Variants in GPC6 observed in about 807,000 individuals in gnomAD.
GPC6 encodes the protein glypican 6.
A neutral mutation model predicts 55.2 loss-of-function variants in GPC6; 14 were observed. The ratio of observed to expected loss-of-function variants is 0.25; its 90% CI spans 0.17 to 0.40. The LOEUF (loss-of-function observed/expected upper bound fraction) is 0.40. Ranked by LOEUF, GPC6 falls within the 10% of genes least tolerant of loss-of-function variation. The pLI is 1.00. For synonymous variants in GPC6, 278 were observed against 259.6 expected (o/e 1.07, Z -0.68); for missense variants, 641 against 708.5 (o/e 0.90, Z 1.08).
At chr13:93,797,792 C>G (rs201522763) in intron 2 of GPC6, among the ~76,000 whole-genome samples, 1 of 152,164 alleles carries the variant, frequency 6.6e-6, no homozygotes, top group East Asian at 1.9e-4. Context: ...AAACTGAGAT[C>G]AGTCCACAAG....
rs185311557 is a variant in GPC6, at chr13:93,486,968, C to A, written c.161-58295C>A. Reference sequence around the variant, plus strand: ...CAAAAAAAAAAAAAACAAAAAAACCCCAAAAAACACAAAAAAACAAAAAAA... The same window carrying A: ...CAAAAAAAAAAAAAACAAAAAAACCACAAAAAACACAAAAAAACAAAAAAA... On this transcript the variant is annotated intron_variant, in intron 1 of 8. Transcript: ENST00000377047. Among the ~76,000 whole-genome samples the A allele has an allele frequency of 1.8e-3, 278 of 151,474 alleles. 1 individual carries two copies. Among genetic ancestry groups the A allele is most frequent in the African/African-American group, 6.6e-3 (272 of 41,352 alleles).
intron 2 of GPC6, among the ~76,000 whole-genome samples, chr13:93,719,313 T>C (rs1424930349): frequency 2.6e-5 from 4 of 151,744 alleles, no homozygotes; most frequent in South Asian, 4.1e-4. Context: ...CTTGTCAGTT[T>C]TATTTCTAGG....
At chr13:93,949,226 G>T (rs1253686130) in intron 3 of GPC6, among the ~76,000 whole-genome samples, 1 of 152,154 alleles carries the variant, frequency 6.6e-6, no homozygotes, top group Non-Finnish European at 1.5e-5. Flanking sequence ...AATATTCTGA[G>T]AAATTTTCTT....
chr13:94,337,728 G>A (rs1156389473), intron 6 of GPC6, among the ~76,000 whole-genome samples: 1 of 152,100 alleles, frequency 6.6e-6, no homozygotes, highest in Non-Finnish European at 1.5e-5. Flanking sequence ...GATTACAGGC[G>A]TAATTCATGA....
intron 2 of GPC6, among the ~76,000 whole-genome samples, chr13:93,750,336 T>C (rs1270353938): frequency 1.3e-5 from 2 of 152,298 alleles, no homozygotes; most frequent in African/African-American, 4.8e-5. Context: ...TGGAAGGTAG[T>C]TAACCTTTTT....
rs143529333 is a variant in GPC6 at position 93,338,467 on chromosome 13, AG to A, written c.160+110852del. ...CAGGTATCTCTGACCCATTTCCAGT[AG>A]ACCTTTTGAAATTCCACTGTTTTTC... On this transcript the variant is annotated intron_variant, in intron 1 of 8. Coordinates refer to ENST00000377047, the MANE Select transcript of GPC6 (RefSeq NM_005708.5). Among the ~76,000 whole-genome samples the A allele has an allele frequency of 7.9e-3, 1,202 of 152,286 alleles. 19 individuals are homozygous for A. The highest frequency in any genetic ancestry group is 0.028 in the African/African-American group (1,158 of 41,544).
At chr13:93,749,019 A>G (rs968472117) in intron 2 of GPC6, among the ~76,000 whole-genome samples, 2 of 152,020 alleles carry the variant, frequency 1.3e-5, no homozygotes, top group East Asian at 1.9e-4. Flanking sequence ...TCTTATTGTT[A>G]TATAGTACAT....
At chr13:93,241,992 C>T (rs1577099) in intron 1 of GPC6, among the ~76,000 whole-genome samples, 86,173 of 151,948 alleles carry the variant, frequency 0.57, 25,021 homozygotes, top group African/African-American at 0.67. Flanking sequence ...AGCAATGTAG[C>T]GGGTGTGTGA....
chr13:93,377,484 G>A (rs1199501314), intron 1 of GPC6, among the ~76,000 whole-genome samples: 1 of 152,058 alleles, frequency 6.6e-6, no homozygotes. Flanking sequence ...TTGGTGGGAG[G>A]GTGAGCCTGA....
At chr13:94,362,705 T>C (rs1201912343) in intron 6 of GPC6, among the ~76,000 whole-genome samples, 1 of 152,200 alleles carries the variant, frequency 6.6e-6, no homozygotes, top group Non-Finnish European at 1.5e-5. Context: ...GATAGCCTTT[T>C]GCCTTTAAAA....
At chr13:93,989,751 G>A (rs1313523793) in intron 3 of GPC6, among the ~76,000 whole-genome samples, 1 of 152,036 alleles carries the variant, frequency 6.6e-6, no homozygotes, top group Non-Finnish European at 1.5e-5. Flanking sequence ...TTATAAGGAG[G>A]CTTGGTTAAA....
At chr13:93,711,330 C>G (rs193009403) in intron 2 of GPC6, among the ~76,000 whole-genome samples, 1 of 151,598 alleles carries the variant, frequency 6.6e-6, no homozygotes, top group African/African-American at 2.4e-5. Context: ...GGGGAACTCC[C>G]GTTCATAAAA....
intron 1 of GPC6, among the ~76,000 whole-genome samples, chr13:93,304,512 A>G (rs968981106): frequency 5.9e-5 from 9 of 152,198 alleles, no homozygotes; most frequent in African/African-American, 2.2e-4. Flanking sequence ...TTTGATTCAA[A>G]GAGTCTGTGG....
chr13:93,650,139 A>T (rs550600482), intron 2 of GPC6, among the ~76,000 whole-genome samples: 2 of 151,430 alleles, frequency 1.3e-5, no homozygotes, highest in Non-Finnish European at 2.9e-5. Context: ...AATAATCTAC[A>T]TTTTTTTTTC....
chr13:93,395,203 G>A (rs920951707), intron 1 of GPC6: 5 of 333,002 alleles, frequency 1.5e-5, no homozygotes, highest in African/African-American at 1.1e-4. Context: ...AACTACTAAT[G>A]TTTCTTCCAT....
At chr13:93,335,603 G>T (rs1880017171) in intron 1 of GPC6, among the ~76,000 whole-genome samples, 1 of 152,126 alleles carries the variant, frequency 6.6e-6, no homozygotes. Context: ...GGCCAAATAG[G>T]TCCTCTGACC....
intron 4 of GPC6, among the ~76,000 whole-genome samples, chr13:94,175,935 G>A (rs1335329974): frequency 1.0e-5 from 1 of 99,068 alleles, no homozygotes; most frequent in African/African-American, 3.5e-5. Flanking sequence ...ATCCAAATGA[G>A]CCATATATAT....
intron 2 of GPC6, among the ~76,000 whole-genome samples, chr13:93,775,208 T>A (rs1885428479): frequency 6.6e-6 from 1 of 152,214 alleles, no homozygotes; most frequent in Admixed American, 6.5e-5. Flanking sequence ...TCTTGCTATG[T>A]TGCCCAGGCT....
At position 94,403,404 on chromosome 13, in the gene GPC6, T is replaced by C. The variant is rs953180035; in HGVS notation, c.*187T>C. ...AGTACCGGGTGCCAGACTGAACTGC[T>C]TCCTCTTTCCTTCAGCTATCTGTGG... On this transcript the variant is annotated 3_prime_UTR_variant, in exon 9 of 9. Transcript: ENST00000377047. 42 of 644,584 alleles carry C rather than the reference T, an allele frequency of 6.5e-5. No homozygotes were observed. The African/African-American group carries it at 7.2e-4, about 11-fold the overall frequency. 39.9% of individuals were successfully genotyped at this position (644,584 alleles called of 1,614,324 possible).
Sources: gnomAD v4.1 joint callset for allele counts (sites outside exome capture counted in the v4.1 genomes callset) on GRCh38, gnomAD v4.1.1 for gene constraint, MANE v1.5 for transcripts, NCBI Gene and HGNC (gene_info 2026-07-23, HGNC 2026-07-21) for gene names.